The following SPECC1 variants were observed in gnomAD, a reference collection of about 807,000 sequenced individuals.
SPECC1 encodes cytospin-B.
In SPECC1, 62 loss-of-function variants were observed where a neutral mutation model predicts 104.1. That is an observed-to-expected ratio of 0.60 (90% confidence interval 0.49 to 0.74). SPECC1 has a LOEUF of 0.74. Among genes scored for constraint, SPECC1 ranks in the 30% least tolerant of loss-of-function variants. SPECC1 has a pLI of 0.00. For missense variants in SPECC1, 1,306 were observed against 1,310.5 expected, an observed-to-expected ratio of 1.00 and a Z score of 0.05; for synonymous variants, 513 against 501.6, an observed-to-expected ratio of 1.02 and a Z score of -0.30.
chr17:20,181,110 A>G (rs374987257), intron 3 of SPECC1, among the ~76,000 whole-genome samples: 1 of 152,300 alleles, frequency 6.6e-6, no homozygotes. Flanking sequence ...ATTATAAATC[A>G]TCTAGAAATA....
At chr17:20,156,717 TGGGGTGTC>T (rs1337779727) in intron 3 of SPECC1, among the ~76,000 whole-genome samples, 1 of 152,182 alleles carries the variant, frequency 6.6e-6, no homozygotes, top group Non-Finnish European at 1.5e-5. Flanking sequence ...GTGCTTGTTC[TGGGGTGTC>T]GGGCGCGCCT....
At chr17:20,065,865 A>G (rs1203290049) in intron 1 of SPECC1, among the ~76,000 whole-genome samples, 1 of 152,182 alleles carries the variant, frequency 6.6e-6, no homozygotes, top group Non-Finnish European at 1.5e-5. Flanking sequence ...AGAGAGAGAG[A>G]GATTCTGTTT....
chr17:20,270,302 AAAAC>A (rs964180415), intron 12 of SPECC1, among the ~76,000 whole-genome samples: 2 of 151,888 alleles, frequency 1.3e-5, no homozygotes, highest in Non-Finnish European at 2.9e-5. Flanking sequence ...TTTTTTAAAA[AAAAC>A]AGTGTTATGA....
At chr17:20,056,507 T>A (rs35317166) in intron 1 of SPECC1, 48,944 of 214,582 alleles carry the variant, frequency 0.23, 6,842 homozygotes, top group Middle Eastern at 0.41. Context: ...TCGATTGTGC[T>A]TCAAGGGATT....
chr17:20,113,548 G>A (rs1472621269), intron 3 of SPECC1, among the ~76,000 whole-genome samples: 4 of 152,196 alleles, frequency 2.6e-5, no homozygotes, highest in South Asian at 2.1e-4. Flanking sequence ...GACTCTTCAG[G>A]TTCATTTTTA....
At chr17:20,158,388 G>C (rs1441058318) in intron 3 of SPECC1, among the ~76,000 whole-genome samples, 12 of 152,214 alleles carry the variant, frequency 7.9e-5, no homozygotes, top group Non-Finnish European at 1.8e-4. Flanking sequence ...ATAGGAAGCA[G>C]AATTAGAGGA....
intron 1 of SPECC1, among the ~76,000 whole-genome samples, chr17:20,050,801 T>G (rs1480678343): frequency 6.6e-6 from 1 of 152,240 alleles, no homozygotes; most frequent in Non-Finnish European, 1.5e-5. Context: ...TTTGATAACT[T>G]CATGTTAGTA....
At chr17:20,049,077 C>T (rs1383353365) in intron 1 of SPECC1, among the ~76,000 whole-genome samples, 1 of 152,072 alleles carries the variant, frequency 6.6e-6, no homozygotes, top group African/African-American at 2.4e-5. Context: ...AGAACACATT[C>T]CTAGAGTGGA....
At chr17:20,177,079 A>ATG (rs1191906628) in intron 3 of SPECC1, among the ~76,000 whole-genome samples, 1 of 152,200 alleles carries the variant, frequency 6.6e-6, no homozygotes, top group Non-Finnish European at 1.5e-5. Context: ...TAGAAGAGAG[A>ATG]TGTTTGAGCT....
intron 3 of SPECC1, among the ~76,000 whole-genome samples, chr17:20,129,091 C>T (rs977121944): frequency 6.6e-6 from 1 of 151,936 alleles, no homozygotes; most frequent in African/African-American, 2.4e-5. Context: ...GACAGGTGCT[C>T]ACTATGTTCC....
At chr17:20,058,399 G>A (rs2046048501) in intron 1 of SPECC1, among the ~76,000 whole-genome samples, 1 of 152,128 alleles carries the variant, frequency 6.6e-6, no homozygotes, top group African/African-American at 2.4e-5. Flanking sequence ...GGAGGCCAAG[G>A]AAGGAGGATC....
At chr17:20,107,882 G>A (rs1162878736) in intron 2 of SPECC1, among the ~76,000 whole-genome samples, 2 of 152,044 alleles carry the variant, frequency 1.3e-5, no homozygotes, top group East Asian at 3.9e-4. Context: ...ATAGTGTTGT[G>A]CACCTATAGT....
chr17:20,263,415 T>A (rs909262330), intron 12 of SPECC1, among the ~76,000 whole-genome samples: 3 of 150,584 alleles, frequency 2.0e-5, no homozygotes, highest in African/African-American at 7.3e-5. Flanking sequence ...ATATACCTAA[T>A]GTAAATGATG....
chr17:20,282,613 G>A (rs1436447327), intron 12 of SPECC1, among the ~76,000 whole-genome samples: 1 of 152,204 alleles, frequency 6.6e-6, no homozygotes, highest in Non-Finnish European at 1.5e-5. Flanking sequence ...TGATGAAAGT[G>A]GGTTGCCCTG....
chr17:20,219,132 G>A (rs916818524), intron 4 of SPECC1, among the ~76,000 whole-genome samples: 1 of 152,154 alleles, frequency 6.6e-6, no homozygotes, highest in African/African-American at 2.4e-5. Context: ...ATATCTCTTT[G>A]ATAGACTAAT....
At chr17:20,226,465 A>G (rs1177489573) in intron 4 of SPECC1, among the ~76,000 whole-genome samples, 1 of 152,204 alleles carries the variant, frequency 6.6e-6, no homozygotes, top group Non-Finnish European at 1.5e-5. Context: ...GGACACATGC[A>G]TATATAGTAA....
chr17:20,101,439 T>A (rs554752255), intron 2 of SPECC1, among the ~76,000 whole-genome samples: 2 of 152,330 alleles, frequency 1.3e-5, no homozygotes, highest in African/African-American at 4.8e-5. Context: ...TTTTTTCATG[T>A]TTGTTGGCTG....
chr17:20,099,626 C>T (rs761990706), intron 2 of SPECC1, among the ~76,000 whole-genome samples: 9 of 126,696 alleles, frequency 7.1e-5, no homozygotes, highest in Non-Finnish European at 1.3e-4. Context: ...ACCTGGGAGG[C>T]GGAGGTTGCA....
chr17:20,263,885 T>G (rs1215012608), intron 12 of SPECC1, among the ~76,000 whole-genome samples: 4 of 150,260 alleles, frequency 2.7e-5, no homozygotes, highest in Non-Finnish European at 4.4e-5. Context: ...CTGGAGTGAT[T>G]TGTGTGTGTG....
Sources: gnomAD v4.1 joint callset for allele counts (sites outside exome capture counted in the v4.1 genomes callset) on GRCh38, gnomAD v4.1.1 for gene constraint, MANE v1.5 for transcripts, NCBI Gene and HGNC (gene_info 2026-07-23, HGNC 2026-07-21) for gene names.